PSMA6: variants seen among roughly 807,000 people sequenced by gnomAD.
PSMA6 encodes proteasome subunit alpha type-6.
For missense variants in PSMA6, 170 were observed against 294.8 expected, an observed-to-expected ratio of 0.58 and a Z score of 3.10; for synonymous variants, 88 against 97.7, an observed-to-expected ratio of 0.90 and a Z score of 0.59.
At chr14:35,286,927 T>C (rs1040873022) in intron 1 of PSMA6, among the ~76,000 whole-genome samples, 5 of 152,226 alleles carry the variant, frequency 3.3e-5, no homozygotes, top group African/African-American at 1.2e-4. Context: ...TTGAAGGGCT[T>C]ATGAGAAGCA....
chr14:35,288,815 C>T (rs1440207097), upstream of PSMA6, among the ~76,000 whole-genome samples: 4 of 152,226 alleles, frequency 2.6e-5, no homozygotes, highest in Non-Finnish European at 4.4e-5. Context: ...CACCTGTAAT[C>T]TCAGCACTTT....
intron 1 of PSMA6, among the ~76,000 whole-genome samples, chr14:35,303,800 C>T (rs920684280): frequency 2.0e-5 from 3 of 152,094 alleles, no homozygotes; most frequent in African/African-American, 7.2e-5. Context: ...CTGTACTGAA[C>T]ATGTACAGAT....
At chr14:35,311,048 G>A in intron 4 of PSMA6, 153 bp downstream of exon 4, 1 of 723,342 alleles carries the variant, frequency 1.4e-6, no homozygotes, top group Non-Finnish European at 2.2e-6. Flanking sequence ...CAGAACTAAA[G>A]GATAGGTTTC....
chr14:35,287,087 G>A (rs1306422590), intron 1 of PSMA6, among the ~76,000 whole-genome samples: 4 of 152,138 alleles, frequency 2.6e-5, no homozygotes, highest in African/African-American at 9.7e-5. Context: ...CATCCAGAAT[G>A]ACTGAAGTCC....
upstream of PSMA6, chr14:35,292,188 C>T (rs1047356056): frequency 3.0e-6 from 2 of 662,938 alleles, no homozygotes; most frequent in African/African-American, 3.8e-5. Context: ...AGATGAAAGC[C>T]TGAAAGCGCC....
intron 5 of PSMA6, chr14:35,313,278 A>T: frequency 4.4e-6 from 2 of 451,168 alleles, no homozygotes. Context: ...CTTTCAACAA[A>T]ACGCATATAA....
At chr14:35,286,580 A>G (rs2051424324) in intron 1 of PSMA6, among the ~76,000 whole-genome samples, 1 of 152,346 alleles carries the variant, frequency 6.6e-6, no homozygotes, top group Middle Eastern at 3.4e-3. Flanking sequence ...TATTATAGCT[A>G]AAAAACAAGG....
chr14:35,288,528 A>T (rs1016361712), upstream of PSMA6, among the ~76,000 whole-genome samples: 1 of 152,148 alleles, frequency 6.6e-6, no homozygotes, highest in African/African-American at 2.4e-5. Flanking sequence ...CAACAACAAC[A>T]ACAAAAACAG....
chr14:35,309,430 GTTTA>G (rs2051895805), intron 3 of PSMA6, among the ~76,000 whole-genome samples: 2 of 152,118 alleles, frequency 1.3e-5, no homozygotes, highest in African/African-American at 4.8e-5. Context: ...TGAGAGGATT[GTTTA>G]AGACCAAGAG....
chr14:35,289,357 TCTCA>T (rs760480911), upstream of PSMA6, among the ~76,000 whole-genome samples: 19 of 151,648 alleles, frequency 1.3e-4, no homozygotes, highest in Admixed American at 9.2e-4. Flanking sequence ...TGAGACAAGG[TCTCA>T]CTCTGTTGCC....
At chr14:35,313,083 C>CT (rs753881455) in intron 5 of PSMA6, 24 bp downstream of exon 5, 3 of 1,549,120 alleles carry the variant, frequency 1.9e-6, no homozygotes, top group Non-Finnish European at 2.6e-6. Flanking sequence ...AAGGAGCTGA[C>CT]TTTTTTTATG....
intron 1 of PSMA6, among the ~76,000 whole-genome samples, chr14:35,305,973 C>A (rs759249869): frequency 6.6e-5 from 10 of 151,996 alleles, no homozygotes; most frequent in Non-Finnish European, 1.5e-4. Flanking sequence ...TCCCTGTAAT[C>A]CCATCACTTT....
At chr14:35,310,041 A>T (rs909145635) in intron 3 of PSMA6, among the ~76,000 whole-genome samples, 10 of 152,150 alleles carry the variant, frequency 6.6e-5, no homozygotes, top group Non-Finnish European at 1.2e-4. Flanking sequence ...AGGCTGAGGT[A>T]GGAGGATCAC....
intron 1 of PSMA6, chr14:35,293,425 T>C (rs1200722760): frequency 6.2e-6 from 1 of 160,182 alleles, no homozygotes; most frequent in Admixed American, 6.3e-5. Context: ...GAGAATTTAG[T>C]GTCAGGAGGG....
Position 35,310,979 on chromosome 14 carries a change from T to C in PSMA6, c.409+84T>C, listed in dbSNP as rs1478435383. ...GTATACAGAATTATTTAAATAACAC[T>C]TGAGTTCTGAACATGTGGTTTGGAA... On this transcript the variant is annotated intron_variant, in intron 4 of 6. Transcript: ENST00000261479. The C allele has an allele frequency of 5.1e-6, 7 of 1,362,500 alleles. No homozygotes were observed. The African/African-American group carries it at 1.0e-4, about 20-fold the overall frequency. 84.4% of individuals were successfully genotyped at this position (1,362,500 alleles called of 1,614,324 possible).
At chr14:35,291,545 T>C (rs1253773804), upstream of PSMA6, among the ~76,000 whole-genome samples, 2 of 146,142 alleles carry the variant, frequency 1.4e-5, no homozygotes, top group Non-Finnish European at 3.0e-5. Flanking sequence ...AAAAATTGCC[T>C]GGGCACTGTG....
chr14:35,297,921 G>A (rs1426975245), intron 1 of PSMA6, among the ~76,000 whole-genome samples: 2 of 152,110 alleles, frequency 1.3e-5, no homozygotes, highest in African/African-American at 2.4e-5. Flanking sequence ...AGGAAACAAA[G>A]CAAATAAGAT....
Position 35,312,610 on chromosome 14 carries a change from G to T in PSMA6, c.410-271G>T, listed in dbSNP as rs182637431. ...ATAAACATGCTTGGATAACAGCAAGGATTGGAAACACTATTTTTAAATTGT... is the reference window on the plus strand; with the variant it reads ...ATAAACATGCTTGGATAACAGCAAGTATTGGAAACACTATTTTTAAATTGT... On this transcript the variant is annotated intron_variant, in intron 4 of 6. Coordinates refer to ENST00000261479, the MANE Select transcript of PSMA6 (RefSeq NM_002791.3). The T allele has an allele frequency of 9.9e-4, 393 of 397,740 alleles. 3 individuals carry two copies. Among genetic ancestry groups the T allele is most frequent in the African/African-American group, 7.7e-3 (369 of 47,802 alleles). 24.6% of individuals were successfully genotyped at this position (397,740 alleles called of 1,614,324 possible). A position where few individuals can be genotyped will look rare whatever the true frequency, so the allele number is the denominator to read the frequency against.
At chr14:35,315,334 C>T (rs1384441234) in intron 6 of PSMA6, 2 of 150,650 alleles carry the variant, frequency 1.3e-5, no homozygotes, top group Non-Finnish European at 2.9e-5. Flanking sequence ...CTAATTTGTT[C>T]TTTTGGTTGC....
Sources: allele counts gnomAD v4.1 joint callset (sites outside exome capture counted in the v4.1 genomes callset), GRCh38; gene constraint gnomAD v4.1.1; transcripts MANE v1.5; gene names NCBI Gene and HGNC (gene_info 2026-07-23, HGNC 2026-07-21).